Variants in NBAS observed in about 807,000 individuals in gnomAD.
NBAS encodes the protein NBAS subunit of NRZ tethering complex.
In NBAS, 219 loss-of-function variants were observed where a neutral mutation model predicts 302.5. The observed-to-expected ratio is 0.72, with a 90% confidence interval of 0.65 to 0.81. NBAS has a LOEUF of 0.81. Among genes scored for constraint, NBAS ranks in the 30% least tolerant of loss-of-function variants. The probability of loss-of-function intolerance (pLI) is 0.00; values close to 1 mark genes in which losing one functional copy is unlikely to be tolerated. For synonymous variants in NBAS, 1,118 were observed against 1,021.6 expected, an observed-to-expected ratio of 1.09 and a Z score of -1.80; for missense variants, 2,932 against 2,841.6, an observed-to-expected ratio of 1.03 and a Z score of -0.72.
At chr2:15,280,981 G>C (rs567938428) in intron 42 of NBAS, among the ~76,000 whole-genome samples, 54 of 152,302 alleles carry the variant, frequency 3.5e-4, no homozygotes, top group East Asian at 7.7e-4. Flanking sequence ...GATAATCATG[G>C]CATTTTTTAG....
the NBAS span, among the ~76,000 whole-genome samples, chr2:14,858,402 G>C: frequency 2.6e-5 from 4 of 152,092 alleles, no homozygotes; most frequent in Non-Finnish European, 5.9e-5. Context: ...AGATTTGGAA[G>C]CAACCTAAGT....
the NBAS span, among the ~76,000 whole-genome samples, chr2:14,949,922 T>C: frequency 6.6e-6 from 1 of 152,090 alleles, no homozygotes; most frequent in Non-Finnish European, 1.5e-5. Flanking sequence ...GGAAGAGAAG[T>C]TGATTAATTG....
the NBAS span, among the ~76,000 whole-genome samples, chr2:14,990,476 T>C: frequency 6.6e-6 from 1 of 152,078 alleles, no homozygotes; most frequent in South Asian, 2.1e-4. Flanking sequence ...ACTGAAAATT[T>C]CTGGCACAAA....
the NBAS span, among the ~76,000 whole-genome samples, chr2:15,034,006 GAA>G: frequency 4.3e-5 from 2 of 46,550 alleles, no homozygotes; most frequent in East Asian, 2.6e-3. Context: ...AGAAGAAGAA[GAA>G]GAAGAAGAAG....
chr2:15,110,154 A>G, the NBAS span, among the ~76,000 whole-genome samples: 2 of 152,080 alleles, frequency 1.3e-5, no homozygotes, highest in Admixed American at 6.6e-5. Context: ...ACAAAGATGA[A>G]TACCTAAAGG....
At chr2:14,865,482 A>C in the NBAS span, among the ~76,000 whole-genome samples, 1 of 152,314 alleles carries the variant, frequency 6.6e-6, no homozygotes, top group Non-Finnish European at 1.5e-5. Flanking sequence ...GTCAGTAAGC[A>C]TAGCTCCTTT....
At chr2:15,549,056 A>G (rs1245734101) in intron 6 of NBAS, among the ~76,000 whole-genome samples, 1 of 152,222 alleles carries the variant, frequency 6.6e-6, no homozygotes, top group Non-Finnish European at 1.5e-5. Context: ...AGTAATTATA[A>G]CAATAGCTTA....
At chr2:15,481,377 C>T (rs1342060641) in intron 12 of NBAS, among the ~76,000 whole-genome samples, 2 of 152,128 alleles carry the variant, frequency 1.3e-5, no homozygotes, top group Non-Finnish European at 2.9e-5. Flanking sequence ...CCTCAACTTA[C>T]CATCCTTCCA....
chr2:14,942,866 T>C, the NBAS span, among the ~76,000 whole-genome samples: 10 of 152,350 alleles, frequency 6.6e-5, no homozygotes, highest in Admixed American at 4.6e-4. Context: ...GTTAGAAGTG[T>C]AGTCCTTTTC....
At chr2:15,555,006 C>A (rs1664583146) in intron 3 of NBAS, among the ~76,000 whole-genome samples, 1 of 151,456 alleles carries the variant, frequency 6.6e-6, no homozygotes, top group South Asian at 2.1e-4. Context: ...ATCAAGAAAA[C>A]AGATGGAAAA....
intron 29 of NBAS, among the ~76,000 whole-genome samples, chr2:15,380,315 A>G (rs1488213300): frequency 6.6e-6 from 1 of 152,158 alleles, no homozygotes; most frequent in Non-Finnish European, 1.5e-5. Context: ...CTTGGGCTCA[A>G]GCAATCCTCT....
chr2:15,275,593 T>A lies in NBAS; in HGVS notation c.5615A>T (p.Glu1872Val). The A allele has an allele frequency of 1.2e-6, 2 of 1,614,136 alleles. No homozygotes were observed. Among genetic ancestry groups the A allele is most frequent in the South Asian group, 1.1e-5 (1 of 91,056 alleles). ...GCAGACATCATAGGCATGAAGCCAC[T>A]CCGGTGAAGAGCCTGGGACTTGTTT... Reference protein sequence around the residue: ...LIKQVPGSSPEWLHAYDVCMK... With the variant: ...LIKQVPGSSPVWLHAYDVCMK... The change falls in exon 44 of 52, where the codon GAG becomes GTG. Residue 1872 changes from glutamate (E) to valine (V), a missense_variant. Glu to Val is a moderately radical substitution (Grantham distance 121). Transcript: ENST00000281513.
intron 44 of NBAS, among the ~76,000 whole-genome samples, chr2:15,274,067 G>A (rs757929045): frequency 9.0e-4 from 136 of 151,582 alleles, no homozygotes; most frequent in Non-Finnish European, 1.7e-3. Context: ...GGGACAGAGC[G>A]AGACTCCGTC....
chr2:15,066,577 C>T, the NBAS span, among the ~76,000 whole-genome samples: 1 of 152,134 alleles, frequency 6.6e-6, no homozygotes, highest in Non-Finnish European at 1.5e-5. Flanking sequence ...AGAAGACATA[C>T]ATGTGAACCA....
the NBAS span, among the ~76,000 whole-genome samples, chr2:15,098,001 AAT>A: frequency 3.1e-3 from 117 of 37,506 alleles, no homozygotes; most frequent in African/African-American, 9.5e-3. Context: ...TATTGTATAT[AAT>A]ATATATATTA....
chr2:15,163,339 T>C (rs1000393574), downstream of NBAS, among the ~76,000 whole-genome samples: 2 of 152,168 alleles, frequency 1.3e-5, no homozygotes, highest in Non-Finnish European at 2.9e-5. Context: ...TCATTTTCTG[T>C]GTGTTTCTGA....
At position 15,236,859 on chromosome 2, in the gene NBAS, G is replaced by A. The variant is rs1450931289; in HGVS notation, c.5943+1609C>T. On this transcript the variant is annotated intron_variant, in intron 45 of 51. Transcript: ENST00000281513. ...ACATTATTCATTAGACAGAAAAATAGGCATTCCAAAACACAAAATGAATAA... is the reference window on the plus strand; with the variant it reads ...ACATTATTCATTAGACAGAAAAATAAGCATTCCAAAACACAAAATGAATAA... Among the ~76,000 whole-genome samples, 5 of 152,084 alleles carry A rather than the reference G, an allele frequency of 3.3e-5. No homozygotes were observed. The East Asian group carries it at 9.7e-4, about 29-fold the overall frequency.
At chr2:14,829,400 A>T in the NBAS span, among the ~76,000 whole-genome samples, 1 of 152,216 alleles carries the variant, frequency 6.6e-6, no homozygotes, top group Non-Finnish European at 1.5e-5. Context: ...TCTACTACTG[A>T]AAGTATAAAG....
chr2:15,056,725 G>A, the NBAS span, among the ~76,000 whole-genome samples: 1 of 152,080 alleles, frequency 6.6e-6, no homozygotes, highest in Non-Finnish European at 1.5e-5. Flanking sequence ...TGTAGGGTAA[G>A]TTTTATGTCA....
Sources: allele counts gnomAD v4.1 joint callset (sites outside exome capture counted in the v4.1 genomes callset), GRCh38; gene constraint gnomAD v4.1.1; transcripts MANE v1.5; gene names NCBI Gene and HGNC (gene_info 2026-07-23, HGNC 2026-07-21).